The following TIAM2 variants were observed in gnomAD, a reference collection of about 807,000 sequenced individuals.
TIAM2 encodes the protein rho guanine nucleotide exchange factor TIAM2.
A neutral mutation model predicts 152.9 loss-of-function variants in TIAM2; 80 were observed. That is an observed-to-expected ratio of 0.52 (90% CI 0.44 to 0.63). The LOEUF (loss-of-function observed/expected upper bound fraction) is 0.63. Among genes scored for constraint, TIAM2 ranks in the 30% least tolerant of loss-of-function variants. TIAM2 has a pLI of 0.00. For missense variants in TIAM2, 1,965 were observed against 2,120.1 expected, an observed-to-expected ratio of 0.93 and a Z score of 1.44; for synonymous variants, 804 against 838.0, an observed-to-expected ratio of 0.96 and a Z score of 0.70.
At chr6:155,247,559 C>T (rs1351559927) in intron 19 of TIAM2, among the ~76,000 whole-genome samples, 2 of 152,210 alleles carry the variant, frequency 1.3e-5, no homozygotes, top group African/African-American at 4.8e-5. Context: ...AACTCGTGAC[C>T]TCAGGTGATC....
intron 1 of TIAM2, among the ~76,000 whole-genome samples, chr6:154,996,142 C>G (rs528564552): frequency 1.3e-5 from 2 of 152,338 alleles, no homozygotes; most frequent in South Asian, 4.1e-4. Flanking sequence ...TTACCAAAAA[C>G]AGTTCAGAAA....
At chr6:155,111,866 CT>C (rs1778860420) in intron 2 of TIAM2, among the ~76,000 whole-genome samples, 1 of 152,148 alleles carries the variant, frequency 6.6e-6, no homozygotes. Context: ...TATAGTAAAA[CT>C]CTTTGAATGA....
chr6:155,124,895 G>A (rs144606754), intron 2 of TIAM2, among the ~76,000 whole-genome samples: 10 of 150,114 alleles, frequency 6.7e-5, no homozygotes, highest in East Asian at 3.9e-4. Context: ...ATGTATCTGC[G>A]TGGATAGACT....
At chr6:155,206,918 T>C (rs1781609485) in intron 14 of TIAM2, among the ~76,000 whole-genome samples, 5 of 152,226 alleles carry the variant, frequency 3.3e-5, no homozygotes, top group Non-Finnish European at 1.5e-5. Context: ...AGGCTTTTTC[T>C]GGAGTGAGTC....
At chr6:155,176,061 TCA>T (rs780586302) in intron 9 of TIAM2, among the ~76,000 whole-genome samples, 2 of 152,176 alleles carry the variant, frequency 1.3e-5, no homozygotes, top group Non-Finnish European at 2.9e-5. Context: ...TAAGTGCAGT[TCA>T]GAGTCAGGAT....
intron 7 of TIAM2, among the ~76,000 whole-genome samples, chr6:155,157,625 A>G (rs1233244862): frequency 6.6e-6 from 1 of 152,136 alleles, no homozygotes. Context: ...CATTTTCCGT[A>G]TAAGTACCGT....
chr6:155,185,803 T>C (rs1157335676), intron 14 of TIAM2, among the ~76,000 whole-genome samples: 2 of 152,056 alleles, frequency 1.3e-5, no homozygotes, highest in African/African-American at 4.8e-5. Context: ...GGTGTGACAG[T>C]CTCCCAGGCA....
In TIAM2 at chr6:155,133,786, G is replaced by C. The variant is rs551000230; in HGVS notation, c.1194+3369G>C. Among the ~76,000 whole-genome samples, 191 of 151,504 alleles carry C rather than the reference G, an allele frequency of 1.3e-3. 1 individual carries two copies. Among genetic ancestry groups the C allele is most frequent in the African/African-American group, 4.5e-3 (185 of 41,174 alleles). On this transcript the variant is annotated intron_variant, in intron 4 of 26. Transcript: ENST00000682666. ...TCTTGCTCTTTTTGCCCAGGCTGTAGTGCAGTGGCGCCATGTCGGCTCACT... is the reference window on the plus strand; with the variant it reads ...TCTTGCTCTTTTTGCCCAGGCTGTACTGCAGTGGCGCCATGTCGGCTCACT...
At chr6:155,224,707 G>A (rs1258172875) in intron 15 of TIAM2, among the ~76,000 whole-genome samples, 2 of 152,208 alleles carry the variant, frequency 1.3e-5, no homozygotes, top group Non-Finnish European at 2.9e-5. Flanking sequence ...TGCCGCCTCT[G>A]CTATTCACCT....
chr6:155,256,613 C>A lies in TIAM2; in HGVS notation c.4598C>A (p.Pro1533His). 1.2e-6 allele frequency: 2 copies of A among 1,614,154 alleles called. No individual in the cohort carries two copies. Among genetic ancestry groups the A allele is most frequent in the Non-Finnish European group, 1.7e-6 (2 of 1,180,012 alleles). The change falls in exon 27 of 27, where the codon CCC (proline) becomes CAC (histidine). Residue 1533 changes from proline (P) to histidine (H), a missense_variant. Coordinates refer to ENST00000682666, the MANE Select transcript of TIAM2 (RefSeq NM_012454.4). Reference protein sequence around the residue: ...LSSGTQSSGCPTAEGRQDSKS... With the variant: ...LSSGTQSSGCHTAEGRQDSKS... ...AGCGGCACCCAGAGCAGCGGCTGCC[C>A]CACGGCTGAGGGCAGGCAGGACTCC...
At chr6:155,194,314 G>A (rs1006328852) in intron 14 of TIAM2, among the ~76,000 whole-genome samples, 2 of 152,204 alleles carry the variant, frequency 1.3e-5, no homozygotes, top group Admixed American at 1.3e-4. Context: ...GTGACAAAGG[G>A]TCCACGGAGC....
At chr6:155,029,466 A>AG (rs1776759529) in intron 1 of TIAM2, among the ~76,000 whole-genome samples, 1 of 51,252 alleles carries the variant, frequency 2.0e-5, no homozygotes, top group South Asian at 4.7e-4. Flanking sequence ...TATATATAAT[A>AG]TATACTATAG....
intron 15 of TIAM2, among the ~76,000 whole-genome samples, chr6:155,228,003 C>T (rs943170484): frequency 2.6e-5 from 4 of 152,106 alleles, no homozygotes; most frequent in African/African-American, 4.8e-5. Context: ...TTTTTTGTTT[C>T]GTTTTCTAGG....
chr6:155,129,213 T>C lies in TIAM2; in HGVS notation c.-6-5T>C. 6.2e-7 allele frequency: 1 copy of C among 1,608,674 alleles called. No homozygotes were observed. Among genetic ancestry groups the C allele is most frequent in the Non-Finnish European group, 8.5e-7 (1 of 1,175,662 alleles). On this transcript the variant is annotated splice_polypyrimidine_tract_variant and splice_region_variant and intron_variant, in intron 3 of 26. Coordinates refer to ENST00000682666, the MANE Select transcript of TIAM2 (RefSeq NM_012454.4). The surrounding 1 kb of genome is among the most constrained non-coding windows in gnomAD (Gnocchi z 4.8). ...GTCTTACTGATGCAACTGTTCTTAATTTAGGTTAAAATGGGCAACTCCGAC... is the reference window on the plus strand; with the variant it reads ...GTCTTACTGATGCAACTGTTCTTAACTTAGGTTAAAATGGGCAACTCCGAC...
At chr6:155,178,109 C>T (rs766727128) in intron 10 of TIAM2, among the ~76,000 whole-genome samples, 4 of 148,346 alleles carry the variant, frequency 2.7e-5, no homozygotes, top group African/African-American at 5.0e-5. Context: ...TGCCTTAAGC[C>T]GAGATGGCTC....
chr6:155,164,366 T>A (rs1461496971), intron 7 of TIAM2, 49 bp from the exon 8 acceptor site: 1 of 1,526,248 alleles, frequency 6.6e-7, no homozygotes. Context: ...CGTTTTAACC[T>A]GTGAAAACTT....
At chr6:155,135,508 T>A (rs1779536112) in intron 4 of TIAM2, among the ~76,000 whole-genome samples, 1 of 152,234 alleles carries the variant, frequency 6.6e-6, no homozygotes, top group African/African-American at 2.4e-5. Context: ...TGTCAGTGCC[T>A]TTTGAGTCAG....
intron 14 of TIAM2, among the ~76,000 whole-genome samples, chr6:155,191,242 G>A (rs560971722): frequency 2.0e-5 from 3 of 152,306 alleles, no homozygotes; most frequent in African/African-American, 7.2e-5. Flanking sequence ...CTCACTAGCT[G>A]TGTGACCTTG....
intron 2 of TIAM2, among the ~76,000 whole-genome samples, chr6:155,092,745 C>T (rs56744212): frequency 0.082 from 12,418 of 151,890 alleles, 1,622 homozygotes; most frequent in African/African-American, 0.28. Flanking sequence ...ATCCCAGCTA[C>T]TTGGGAGGCT....
Sources: allele counts gnomAD v4.1 joint callset (sites outside exome capture counted in the v4.1 genomes callset), GRCh38; gene constraint gnomAD v4.1.1; non-coding constraint Gnocchi (gnomAD v3.1); transcripts MANE v1.5; gene names NCBI Gene and HGNC (gene_info 2026-07-23, HGNC 2026-07-21).